Variants in PRTFDC1 observed in about 807,000 individuals in gnomAD.
The protein encoded by PRTFDC1 is phosphoribosyl transferase domain containing 1.
A neutral mutation model predicts 34.6 loss-of-function variants in PRTFDC1; 38 were observed. The ratio of observed to expected loss-of-function variants is 1.10; its 90% CI spans 0.85 to 1.44. The LOEUF (loss-of-function observed/expected upper bound fraction) is 1.44, where lower values mean the gene tolerates loss of function less well. Among genes scored for constraint, PRTFDC1 ranks in the 40% most tolerant of loss-of-function variants. PRTFDC1 has a pLI of 0.00. For missense variants in PRTFDC1, 270 were observed against 283.0 expected (o/e 0.95, Z 0.33); for synonymous variants, 93 against 98.1 (o/e 0.95, Z 0.31).
intron 3 of PRTFDC1, among the ~76,000 whole-genome samples, chr10:24,899,383 G>A (rs2132550850): frequency 6.6e-6 from 1 of 152,276 alleles, no homozygotes. Context: ...CTTTGTGACT[G>A]TGTGGTTGGG....
intron 3 of PRTFDC1, among the ~76,000 whole-genome samples, chr10:24,936,829 T>C (rs1298873621): frequency 6.6e-6 from 1 of 152,110 alleles, no homozygotes; most frequent in African/African-American, 2.4e-5. Flanking sequence ...CCAGGACCCA[T>C]AGTGACATCC....
chr10:24,941,084 C>T (rs10828730), intron 2 of PRTFDC1, among the ~76,000 whole-genome samples: 58,286 of 150,662 alleles, frequency 0.39, 12,375 homozygotes, highest in Middle Eastern at 0.54. Context: ...GACAAGGTCT[C>T]GCTCTGTTCC....
At chr10:24,908,492 G>C in intron 3 of PRTFDC1, 1 of 1,611,196 alleles carries the variant, frequency 6.2e-7, no homozygotes, top group African/African-American at 1.3e-5. Flanking sequence ...ACACCTCACT[G>C]GATCTCAGAC....
At chr10:24,862,221 C>G (rs959206990) in intron 4 of PRTFDC1, among the ~76,000 whole-genome samples, 1 of 152,106 alleles carries the variant, frequency 6.6e-6, no homozygotes. Flanking sequence ...AATTTCTTAA[C>G]ATCATATAAA....
intron 4 of PRTFDC1, among the ~76,000 whole-genome samples, chr10:24,861,442 G>A (rs1322634118): frequency 6.6e-6 from 1 of 152,190 alleles, no homozygotes; most frequent in Non-Finnish European, 1.5e-5. Context: ...GGAGGTTGCA[G>A]TGAGCTGAGA....
chr10:24,881,740 C>A (rs1039186260), intron 3 of PRTFDC1, among the ~76,000 whole-genome samples: 1 of 152,092 alleles, frequency 6.6e-6, no homozygotes. Flanking sequence ...TTGTTAATTA[C>A]CAATTCCTTG....
intron 4 of PRTFDC1, 34 bp from the exon 5 acceptor site, chr10:24,858,443 A>G (rs753901091): frequency 6.2e-7 from 1 of 1,609,138 alleles, no homozygotes; most frequent in African/African-American, 1.3e-5. Flanking sequence ...TTAGAATGTG[A>G]TGCCAATCTG....
intron 3 of PRTFDC1, among the ~76,000 whole-genome samples, chr10:24,919,586 G>C (rs183147050): frequency 1.7e-3 from 266 of 152,316 alleles, no homozygotes; most frequent in Non-Finnish European, 2.4e-3. Context: ...AAGATTTCAT[G>C]ACAAAAACAT....
chr10:24,902,813 A>G (rs1160382947), intron 3 of PRTFDC1, among the ~76,000 whole-genome samples: 2 of 152,156 alleles, frequency 1.3e-5, no homozygotes, highest in Admixed American at 6.5e-5. Flanking sequence ...TTATTCATTT[A>G]TTCTTTTGTC....
chr10:24,868,929 G>T (rs1302238124), intron 4 of PRTFDC1, among the ~76,000 whole-genome samples: 1 of 151,866 alleles, frequency 6.6e-6, no homozygotes, highest in African/African-American at 2.4e-5. Context: ...AATGTTTTAT[G>T]TATTTACGGA....
chr10:24,893,590 G>A (rs1468928230), intron 3 of PRTFDC1, among the ~76,000 whole-genome samples: 1 of 152,158 alleles, frequency 6.6e-6, no homozygotes, highest in Non-Finnish European at 1.5e-5. Context: ...AACAACAGGA[G>A]GGCCACTGTG....
chr10:24,876,642 C>T (rs1463100842), intron 3 of PRTFDC1, among the ~76,000 whole-genome samples: 1 of 151,822 alleles, frequency 6.6e-6, no homozygotes, highest in Non-Finnish European at 1.5e-5. Context: ...TGCAGTGAGC[C>T]GAGGTCATGT....
At chr10:24,856,778 A>C (rs567780724) in intron 6 of PRTFDC1, 135 bp downstream of exon 6, 1 of 768,058 alleles carries the variant, frequency 1.3e-6, no homozygotes, top group African/African-American at 1.7e-5. Context: ...AGTGTGGTCA[A>C]GCTGTAATAC....
chr10:24,878,615 T>C (rs1332082872), intron 3 of PRTFDC1, among the ~76,000 whole-genome samples: 4 of 152,114 alleles, frequency 2.6e-5, no homozygotes, highest in Non-Finnish European at 5.9e-5. Context: ...TTTGGAAATA[T>C]TAGGTGACCT....
chr10:24,873,647 C>A (rs897821508), intron 3 of PRTFDC1, among the ~76,000 whole-genome samples: 1 of 152,114 alleles, frequency 6.6e-6, no homozygotes, highest in African/African-American at 2.4e-5. Flanking sequence ...ACCAGCTGGG[C>A]CTGAAGCTAT....
intron 3 of PRTFDC1, among the ~76,000 whole-genome samples, chr10:24,919,636 A>G (rs1431220383): frequency 6.6e-6 from 1 of 152,252 alleles, no homozygotes; most frequent in Admixed American, 6.5e-5. Flanking sequence ...GACAAATGGG[A>G]TCTAATTAAA....
chr10:24,896,946 G>T (rs765888639), intron 3 of PRTFDC1, among the ~76,000 whole-genome samples: 1 of 152,158 alleles, frequency 6.6e-6, no homozygotes, highest in African/African-American at 2.4e-5. Flanking sequence ...GTGGTGGTGC[G>T]AGTCCGTGGT....
At position 24,905,391 on chromosome 10, in the gene PRTFDC1, G is replaced by A. The variant is rs183709465; in HGVS notation, c.339+31793C>T. Reference sequence around the variant, plus strand: ...GGATGGAGTGCAGTGACACGATCTCGGCTCACTGCAACCTCCGACTCCCTG... The same window carrying A: ...GGATGGAGTGCAGTGACACGATCTCAGCTCACTGCAACCTCCGACTCCCTG... On this transcript the variant is annotated intron_variant, in intron 3 of 8. Transcript: ENST00000320152. Among the ~76,000 whole-genome samples, 5 of 145,958 alleles carry A rather than the reference G, an allele frequency of 3.4e-5. No homozygotes were observed. The East Asian group carries it at 6.1e-4, about 18-fold the overall frequency.
chr10:24,931,756 A>G (rs1201332602), intron 3 of PRTFDC1, among the ~76,000 whole-genome samples: 3 of 152,116 alleles, frequency 2.0e-5, no homozygotes, highest in South Asian at 2.1e-4. Context: ...CTCCATGTCA[A>G]GATGGTTTTA....
Sources: allele counts gnomAD v4.1 joint callset (sites outside exome capture counted in the v4.1 genomes callset), GRCh38; gene constraint gnomAD v4.1.1; transcripts MANE v1.5; gene names NCBI Gene and HGNC (gene_info 2026-07-23, HGNC 2026-07-21).